SORCS2: variants seen among roughly 807,000 people sequenced by gnomAD.
The protein encoded by SORCS2 is sortilin related VPS10 domain containing receptor 2.
In SORCS2, 100 loss-of-function variants were observed where a neutral mutation model predicts 141.6. The ratio of observed to expected loss-of-function variants is 0.71; its 90% CI spans 0.60 to 0.83. The LOEUF (loss-of-function observed/expected upper bound fraction) is 0.83. Ranked by LOEUF, SORCS2 falls within the 40% of genes least tolerant of loss-of-function variation. SORCS2 has a pLI of 0.00. For synonymous variants in SORCS2, 789 were observed against 676.9 expected (o/e 1.17, Z -2.57); for missense variants, 1,646 against 1,560.2 (o/e 1.05, Z -0.93).
chr4:7,301,658 CA>C (rs1214102947), intron 1 of SORCS2, among the ~76,000 whole-genome samples: 1 of 152,236 alleles, frequency 6.6e-6, no homozygotes, highest in African/African-American at 2.4e-5. Flanking sequence ...TGTTCCTCAG[CA>C]ACCCAGACTG....
intron 1 of SORCS2, among the ~76,000 whole-genome samples, chr4:7,274,968 G>C (rs548885404): frequency 2.0e-5 from 3 of 152,186 alleles, no homozygotes; most frequent in Non-Finnish European, 2.9e-5. Flanking sequence ...GGGGTTGTCC[G>C]TGTGTTTAAC....
chr4:7,607,552 G>A (rs1251203427), intron 3 of SORCS2, among the ~76,000 whole-genome samples: 2 of 152,162 alleles, frequency 1.3e-5, no homozygotes, highest in Non-Finnish European at 2.9e-5. Context: ...CAACAGCCCT[G>A]AGTGTCAATA....
At chr4:7,493,044 A>T (rs1209775669) in intron 2 of SORCS2, among the ~76,000 whole-genome samples, 1 of 152,226 alleles carries the variant, frequency 6.6e-6, no homozygotes. Flanking sequence ...TGACTCAGGG[A>T]CCCAGGCTCC....
At chr4:7,199,795 C>A (rs148547337) in intron 1 of SORCS2, among the ~76,000 whole-genome samples, 1 of 152,134 alleles carries the variant, frequency 6.6e-6, no homozygotes, top group Non-Finnish European at 1.5e-5. Flanking sequence ...TCTGCACCCC[C>A]TCAAGTGCTG....
intron 2 of SORCS2, among the ~76,000 whole-genome samples, chr4:7,441,424 G>T (rs1357812365): frequency 2.0e-5 from 3 of 152,100 alleles, no homozygotes; most frequent in Non-Finnish European, 4.4e-5. Context: ...CTGGGTGAGG[G>T]TGGCTGGAGG....
intron 2 of SORCS2, among the ~76,000 whole-genome samples, chr4:7,458,624 C>T (rs78841038): frequency 0.01 from 1,549 of 152,308 alleles, 25 homozygotes; most frequent in African/African-American, 0.036. Context: ...GATGATCTCG[C>T]TTTCATTTAT....
intron 11 of SORCS2, among the ~76,000 whole-genome samples, chr4:7,692,800 A>C (rs1036435021): frequency 1.3e-5 from 2 of 152,184 alleles, no homozygotes; most frequent in Non-Finnish European, 2.9e-5. Flanking sequence ...CACTCTAGGC[A>C]GAGGGCACCG....
At position 7,271,812 on chromosome 4, in the gene SORCS2, C is replaced by T. The variant is rs367719340; in HGVS notation, c.480+78686C>T. On this transcript the variant is annotated intron_variant, in intron 1 of 26. Transcript: ENST00000507866. ...GAAGAGCTGCAAGTACGGCCTATGC[C>T]GGGGCCCGAGACAGCAGAGAGAGTG... 4.3e-4 allele frequency among the ~76,000 whole-genome samples: 66 copies of T among 152,332 alleles called. 1 individual carries two copies. In the East Asian group the frequency reaches 7.1e-3, roughly 16 times the overall value.
chr4:7,231,971 G>A (rs1405869286), intron 1 of SORCS2, among the ~76,000 whole-genome samples: 4 of 152,230 alleles, frequency 2.6e-5, no homozygotes, highest in Non-Finnish European at 4.4e-5. Context: ...GGGTGCTGCT[G>A]GAGATGCAGA....
At chr4:7,645,036 C>T (rs973745524) in intron 4 of SORCS2, among the ~76,000 whole-genome samples, 9 of 152,358 alleles carry the variant, frequency 5.9e-5, no homozygotes, top group African/African-American at 1.2e-4. Context: ...CCAGGGCAGG[C>T]GTCGTAAACG....
chr4:7,726,827 G>A lies in SORCS2; in HGVS notation c.2793G>A (p.Thr931=), dbSNP rs535722463. ...DNSVTTRFSD[T]GDVRVTVQAA... is the part of the protein sequence containing the mutation. ...CTGTGACAACGCGGTTTTCGGACAC[G>A]GGCGACGTGCGTGTGACGGTGCAGG... Residue 931 remains threonine, a synonymous_variant, in exon 21 of 27, where the codon ACG becomes ACA. Coordinates refer to ENST00000507866, the MANE Select transcript of SORCS2 (RefSeq NM_020777.3). The A allele has an allele frequency of 4.3e-6, 7 of 1,613,838 alleles. No individual in the cohort carries two copies. Among genetic ancestry groups the A allele is most frequent in the South Asian group, 2.2e-5 (2 of 91,076 alleles).
intron 1 of SORCS2, among the ~76,000 whole-genome samples, chr4:7,341,847 C>A (rs1246206895): frequency 6.6e-6 from 1 of 152,220 alleles, no homozygotes; most frequent in Non-Finnish European, 1.5e-5. Context: ...CCATTAGGCA[C>A]TTCCCATTTC....
At chr4:7,212,055 T>C (rs547497304) in intron 1 of SORCS2, among the ~76,000 whole-genome samples, 3 of 152,292 alleles carry the variant, frequency 2.0e-5, no homozygotes, top group Non-Finnish European at 4.4e-5. Flanking sequence ...CAGGTCCCTG[T>C]TGATACAGAG....
At chr4:7,197,239 A>C (rs1235370142) in intron 1 of SORCS2, among the ~76,000 whole-genome samples, 3 of 152,138 alleles carry the variant, frequency 2.0e-5, no homozygotes, top group African/African-American at 7.2e-5. Context: ...GGCTTATTCT[A>C]ACCACCTCAT....
chr4:7,400,399 GC>G (rs1434533871), intron 2 of SORCS2, among the ~76,000 whole-genome samples: 1 of 152,136 alleles, frequency 6.6e-6, no homozygotes, highest in African/African-American at 2.4e-5. Context: ...GTGCAAAGAG[GC>G]CCCCAGGCAT....
chr4:7,615,825 A>G (rs910156598), intron 3 of SORCS2, among the ~76,000 whole-genome samples: 1 of 152,184 alleles, frequency 6.6e-6, no homozygotes, highest in Non-Finnish European at 1.5e-5. Flanking sequence ...GGGGTGACCA[A>G]CAGCCTCCAA....
chr4:7,717,076 G>A (rs1032624749), intron 17 of SORCS2, among the ~76,000 whole-genome samples: 10 of 152,236 alleles, frequency 6.6e-5, no homozygotes, highest in African/African-American at 2.2e-4. Flanking sequence ...GACGCATAGT[G>A]TAGCCTGAGG....
chr4:7,444,558 T>TG (rs1327022122), intron 2 of SORCS2, among the ~76,000 whole-genome samples: 2 of 152,076 alleles, frequency 1.3e-5, no homozygotes, highest in East Asian at 3.9e-4. Flanking sequence ...AGCGGAGTGA[T>TG]GGGGGCAGGA....
At chr4:7,458,985 C>T (rs961929868) in intron 2 of SORCS2, among the ~76,000 whole-genome samples, 2 of 152,080 alleles carry the variant, frequency 1.3e-5, no homozygotes, top group Non-Finnish European at 2.9e-5. Context: ...AGTGTGGGGG[C>T]CGGCAGGGGG....
Sources: allele counts gnomAD v4.1 joint callset (sites outside exome capture counted in the v4.1 genomes callset), GRCh38; gene constraint gnomAD v4.1.1; transcripts MANE v1.5; gene names NCBI Gene and HGNC (gene_info 2026-07-23, HGNC 2026-07-21).